Variants in FAM53B observed in about 807,000 individuals in gnomAD.
The protein encoded by FAM53B is family with sequence similarity 53 member B, also known as protein FAM53B.
FAM53B carries 12 observed loss-of-function variants against 32.7 expected under a neutral mutation model. The observed-to-expected ratio is 0.37, with a 90% CI of 0.24 to 0.59. The LOEUF (loss-of-function observed/expected upper bound fraction) is 0.59. FAM53B is among the 20% of genes least tolerant of loss of function. FAM53B has a pLI of 0.72. For synonymous variants in FAM53B, 234 were observed against 228.7 expected (o/e 1.02, Z -0.21); for missense variants, 477 against 577.7 (o/e 0.83, Z 1.79).
intron 1 of FAM53B, among the ~76,000 whole-genome samples, chr10:124,714,557 G>A (rs1023333269): frequency 4.6e-5 from 7 of 151,704 alleles, no homozygotes; most frequent in Admixed American, 3.9e-4. Context: ...TCAGGAGATC[G>A]AGACCATCCT....
intron 3 of FAM53B, among the ~76,000 whole-genome samples, chr10:124,685,021 C>T (rs1439022203): frequency 6.6e-6 from 1 of 152,126 alleles, no homozygotes; most frequent in Non-Finnish European, 1.5e-5. Context: ...AATAAATTAT[C>T]AAGGAATAAC....
intron 1 of FAM53B, chr10:124,714,216 A>G (rs543220010): frequency 6.6e-6 from 1 of 152,062 alleles, no homozygotes; most frequent in Non-Finnish European, 1.5e-5. Flanking sequence ...AAGTCATCTG[A>G]GTCTAAAGGA....
chr10:124,740,524 C>T (rs1950193865), intron 1 of FAM53B, among the ~76,000 whole-genome samples: 1 of 152,126 alleles, frequency 6.6e-6, no homozygotes, highest in Non-Finnish European at 1.5e-5. Flanking sequence ...TTCCAAAGTT[C>T]ACATCCAGGC....
chr10:124,675,778 G>C (rs1406574023), intron 4 of FAM53B, among the ~76,000 whole-genome samples: 1 of 152,248 alleles, frequency 6.6e-6, no homozygotes, highest in Non-Finnish European at 1.5e-5. Flanking sequence ...CACTGAGCCT[G>C]GGGTCAAGAG....
At chr10:124,673,840 A>G (rs1385201245) in intron 4 of FAM53B, among the ~76,000 whole-genome samples, 1 of 152,200 alleles carries the variant, frequency 6.6e-6, no homozygotes, top group Non-Finnish European at 1.5e-5. Flanking sequence ...CTCTTGGACA[A>G]CGTCTAGGAA....
chr10:124,709,703 TGGC>T (rs1949987084), intron 1 of FAM53B, among the ~76,000 whole-genome samples: 1 of 152,204 alleles, frequency 6.6e-6, no homozygotes, highest in East Asian at 1.9e-4. Context: ...GAATACCATG[TGGC>T]CTTCAAAAAT....
chr10:124,737,360 G>T (rs1391292586), intron 1 of FAM53B, among the ~76,000 whole-genome samples: 1 of 152,180 alleles, frequency 6.6e-6, no homozygotes, highest in African/African-American at 2.4e-5. Context: ...ACCTTTACAA[G>T]GTTTCAGCAC....
chr10:124,700,549 C>T lies in FAM53B; in HGVS notation c.79-4337G>A, dbSNP rs892273250. 5.3e-5 allele frequency among the ~76,000 whole-genome samples: 8 copies of T among 152,172 alleles called. No individual in the cohort carries two copies. In the South Asian group the frequency reaches 8.3e-4, roughly 16 times the overall value. On this transcript the variant is annotated intron_variant, in intron 2 of 4. Coordinates refer to ENST00000337318, the MANE Select transcript of FAM53B (RefSeq NM_014661.4). ...CCGAGCCCACGCCGGGGCAGGGCCT[C>T]GTCTCTGTGAGACTCCTCAGATCAC...
chr10:124,686,627 G>A (rs4962398), intron 3 of FAM53B, among the ~76,000 whole-genome samples: 1 of 152,208 alleles, frequency 6.6e-6, no homozygotes, highest in African/African-American at 2.4e-5. Context: ...ACTGATCTGC[G>A]TACACATCTA....
chr10:124,664,200 G>GC (rs2134058636), intron 4 of FAM53B, among the ~76,000 whole-genome samples: 1 of 151,976 alleles, frequency 6.6e-6, no homozygotes, highest in South Asian at 2.1e-4. Flanking sequence ...CCTAGGGCTG[G>GC]CCCCCAGGGC....
chr10:124,662,061 A>G (rs1231601532), intron 4 of FAM53B, among the ~76,000 whole-genome samples: 4 of 152,136 alleles, frequency 2.6e-5, no homozygotes, highest in African/African-American at 4.8e-5. Context: ...CCCTCACTGG[A>G]CCAGACCCCT....
intron 3 of FAM53B, among the ~76,000 whole-genome samples, chr10:124,689,833 G>A (rs1021960085): frequency 6.6e-6 from 1 of 152,226 alleles, no homozygotes; most frequent in Non-Finnish European, 1.5e-5. Context: ...TGGGAAGAGG[G>A]GCCTCAATCT....
chr10:124,664,487 C>T (rs943819838), intron 4 of FAM53B, among the ~76,000 whole-genome samples: 2 of 152,232 alleles, frequency 1.3e-5, no homozygotes, highest in African/African-American at 4.8e-5. Context: ...TCCGCCATCA[C>T]AATCTGCCTT....
At chr10:124,631,858 C>T (rs1949393153) in intron 4 of FAM53B, among the ~76,000 whole-genome samples, 4 of 152,196 alleles carry the variant, frequency 2.6e-5, no homozygotes, top group South Asian at 2.1e-4. Flanking sequence ...GCAGCCACTC[C>T]GGAAGCAGGC....
chr10:124,626,222 G>A (rs1003066434), intron 4 of FAM53B, among the ~76,000 whole-genome samples: 4 of 152,240 alleles, frequency 2.6e-5, no homozygotes, highest in East Asian at 3.8e-4. Flanking sequence ...CTGCGCAATC[G>A]GACAGACGCC....
intron 4 of FAM53B, among the ~76,000 whole-genome samples, chr10:124,660,723 G>A (rs921509675): frequency 2.0e-5 from 3 of 152,210 alleles, no homozygotes; most frequent in South Asian, 2.1e-4. Context: ...AAATCGAGAC[G>A]TAAGGTCATC....
intron 4 of FAM53B, among the ~76,000 whole-genome samples, chr10:124,648,054 T>G (rs748065640): frequency 6.6e-6 from 1 of 152,102 alleles, no homozygotes; most frequent in Non-Finnish European, 1.5e-5. Context: ...ACCCCCAGAC[T>G]TCTGCATTCT....
At chr10:124,697,574 C>T (rs578202128) in intron 2 of FAM53B, among the ~76,000 whole-genome samples, 2 of 152,258 alleles carry the variant, frequency 1.3e-5, no homozygotes, top group African/African-American at 4.8e-5. Context: ...AACCTGGGGA[C>T]ACAGAGGTGA....
At chr10:124,714,470 A>C (rs969880053) in intron 1 of FAM53B, among the ~76,000 whole-genome samples, 1 of 152,162 alleles carries the variant, frequency 6.6e-6, no homozygotes, top group Non-Finnish European at 1.5e-5. Flanking sequence ...AGAGGCAAAG[A>C]AAACCTCTTG....
Sources: gnomAD v4.1 joint callset for allele counts (sites outside exome capture counted in the v4.1 genomes callset) on GRCh38, gnomAD v4.1.1 for gene constraint, MANE v1.5 for transcripts, NCBI Gene and HGNC (gene_info 2026-07-23, HGNC 2026-07-21) for gene names.